MYH7B: variants seen among roughly 807,000 people sequenced by gnomAD.
MYH7B encodes myosin-7B.
MYH7B carries 205 observed loss-of-function variants against 234.5 expected under a neutral mutation model. That is an observed-to-expected ratio of 0.87 (90% CI 0.78 to 0.98). MYH7B has a LOEUF of 0.98. MYH7B is among the 50% of genes least tolerant of loss of function. The pLI is 0.00. For missense variants in MYH7B, 2,652 were observed against 2,633.4 expected (o/e 1.01, Z -0.15); for synonymous variants, 1,193 against 1,105.0 (o/e 1.08, Z -1.58).
At chr20:34,991,306 A>C (rs2082145556) in intron 24 of MYH7B, among the ~76,000 whole-genome samples, 185 bp downstream of exon 24, 1 of 152,092 alleles carries the variant, frequency 6.6e-6, no homozygotes, top group Non-Finnish European at 1.5e-5. Context: ...ACTTGGGGAG[A>C]AGTGAATAGG....
Position 34,996,299 on chromosome 20 carries a change from A to G in MYH7B, c.2944-47A>G, listed in dbSNP as rs377711677. ...ACCTGGTGTGGTGTGGTGGCCGCTC[A>G]GAGTGCGGGGAAGGGCGTCCCCATT... On this transcript the variant is annotated intron_variant, in intron 28 of 44. Transcript: ENST00000262873. 199 of 1,543,624 alleles carry G rather than the reference A, an allele frequency of 1.3e-4. 1 individual carries two copies. In the African/African-American group the frequency reaches 2.3e-3, roughly 18 times the overall value.
At chr20:34,976,288 A>G (rs1016749123) in intron 3 of MYH7B, among the ~76,000 whole-genome samples, 4 of 152,184 alleles carry the variant, frequency 2.6e-5, no homozygotes, top group Admixed American at 1.3e-4. Flanking sequence ...TTATTTCTCT[A>G]TATTTCGTCT....
exon 27 of MYH7B, chr20:34,994,208 GGATGAAGCTCTTTTTCAA>G: frequency 6.2e-7 from 1 of 1,613,436 alleles, no homozygotes; most frequent in Non-Finnish European, 8.5e-7. Flanking sequence ...AACTGGTCAT[GGATGAAGCTCTTTTTCAA>G]GATGAAGCCG....
chr20:35,001,555 A>T, intron 43 of MYH7B, 29 bp downstream of exon 43: 1 of 1,567,420 alleles, frequency 6.4e-7, no homozygotes, highest in Non-Finnish European at 8.7e-7. Flanking sequence ...GGACACCTGG[A>T]CCGGGCACCC....
At position 34,988,143 on chromosome 20, in the gene MYH7B, C is replaced by T. The variant is rs765757361; in HGVS notation, c.1468C>T (p.Gln490Ter). 5 of 1,614,068 alleles carry T rather than the reference C, an allele frequency of 3.1e-6. No individual in the cohort carries two copies. In the South Asian group the frequency reaches 3.3e-5, roughly 11 times the overall value. The change falls in exon 19 of 45, where the codon CAG (glutamine) becomes TAG (stop). Residue 490 changes from glutamine to a stop codon, truncating the protein, a stop_gained. Transcript: ENST00000262873. LOFTEE classifies it high-confidence loss of function. ...CAACTTCACCAATGAGAAATTGCAG[C>T]AGTTCTTCAACCAGCACATGTTTGT... is the stretch of plus-strand genomic sequence containing the variant.
exon 27 of MYH7B, chr20:34,994,253 A>T (rs1440352655): frequency 1.2e-6 from 2 of 1,612,876 alleles, no homozygotes; most frequent in African/African-American, 2.7e-5. Flanking sequence ...CGCTCGGCGC[A>T]GGCTGAGGAG....
intron 29 of MYH7B, 21 bp downstream of exon 29, chr20:34,996,543 G>C (rs776575044): frequency 1.9e-6 from 3 of 1,605,336 alleles, no homozygotes; most frequent in Non-Finnish European, 2.6e-6. Flanking sequence ...GCCACCCCGA[G>C]ACTGGGTGGC....
intron 8 of MYH7B, 121 bp from the exon 9 acceptor site, chr20:34,980,912 T>C: frequency 6.6e-7 from 1 of 1,511,204 alleles, no homozygotes; most frequent in Non-Finnish European, 9.2e-7. Context: ...CAGCCCCACC[T>C]GCTCCTTCCC....
chr20:34,967,216 G>A (rs1204744992), intron 2 of MYH7B, among the ~76,000 whole-genome samples: 3 of 151,590 alleles, frequency 2.0e-5, no homozygotes, highest in East Asian at 1.9e-4. Context: ...GAAACAGAAC[G>A]AGACTCCATC....
intron 2 of MYH7B, among the ~76,000 whole-genome samples, chr20:34,959,801 G>T (rs1001221682): frequency 1.3e-5 from 2 of 152,126 alleles, no homozygotes; most frequent in African/African-American, 4.8e-5. Context: ...AGTGAAATCT[G>T]TTTTTTCCTA....
chr20:34,996,563 G>A (rs754313551), intron 29 of MYH7B, 41 bp downstream of exon 29: 2 of 1,601,386 alleles, frequency 1.2e-6, no homozygotes, highest in African/African-American at 1.3e-5. Context: ...CGGGGCCGGG[G>A]TGCCGGCTGG....
At chr20:34,995,391 A>G (rs1026883877) in exon 28 of MYH7B, 3 of 1,613,934 alleles carry the variant, frequency 1.9e-6, no homozygotes, top group East Asian at 4.5e-5. Flanking sequence ...ATCAAGTCCA[A>G]GGTGCAGCTG....
At chr20:34,990,631 T>C (rs965516026) in intron 22 of MYH7B, 107 bp from the exon 23 acceptor site, 1 of 1,000,604 alleles carries the variant, frequency 1.0e-6, no homozygotes, top group Non-Finnish European at 1.6e-6. Flanking sequence ...AGAGCAAAAG[T>C]GCAGGGCACT....
chr20:34,977,557 T>G (rs2081873354), intron 3 of MYH7B, 75 bp from the exon 4 acceptor site: 1 of 1,428,836 alleles, frequency 7.0e-7, no homozygotes, highest in Non-Finnish European at 9.7e-7. Context: ...TTGCCTTTTG[T>G]GTCCTGTGGC....
chr20:34,962,653 A>G (rs2081708262), intron 2 of MYH7B, among the ~76,000 whole-genome samples: 1 of 151,900 alleles, frequency 6.6e-6, no homozygotes, highest in African/African-American at 2.4e-5. Flanking sequence ...TTATTTTGAG[A>G]CAAGGTCTCA....
chr20:34,998,840 A>G, exon 35 of MYH7B: 2 of 1,613,268 alleles, frequency 1.2e-6, no homozygotes, highest in Non-Finnish European at 1.7e-6. Flanking sequence ...TCCAAGGCCA[A>G]TGCCGAGGTG....
intron 2 of MYH7B, among the ~76,000 whole-genome samples, chr20:34,962,263 G>T (rs909577122): frequency 1.3e-5 from 2 of 152,174 alleles, no homozygotes; most frequent in East Asian, 3.8e-4. Flanking sequence ...GAACATTCAT[G>T]TACAGGTTTT....
intron 2 of MYH7B, among the ~76,000 whole-genome samples, chr20:34,972,351 C>T (rs1338155184): frequency 1.3e-5 from 2 of 151,890 alleles, no homozygotes; most frequent in African/African-American, 4.8e-5. Context: ...GCTTGGAATA[C>T]TGTTCCAAGG....
chr20:34,984,834 C>T lies in MYH7B; in HGVS notation c.649-20C>T, dbSNP rs1029766237. The T allele has an allele frequency of 6.2e-7, 1 of 1,608,414 alleles. No individual in the cohort carries two copies. The highest frequency in any genetic ancestry group is 1.7e-5 in the Admixed American group (1 of 59,982). On this transcript the variant is annotated intron_variant, in intron 11 of 44. Transcript: ENST00000262873. ...GGTAGGCACCAGAACTGACAGACCC[C>T]CTCACCCCCACCGCCCCAGGGCACC... is the stretch of plus-strand genomic sequence containing the variant.
Sources: allele counts gnomAD v4.1 joint callset (sites outside exome capture counted in the v4.1 genomes callset), GRCh38; gene constraint gnomAD v4.1.1; transcripts MANE v1.5; gene names NCBI Gene and HGNC (gene_info 2026-07-23, HGNC 2026-07-21).